The following CHD3 variants were observed in gnomAD, a reference collection of about 807,000 sequenced individuals.
CHD3 encodes chromodomain helicase DNA binding protein 3, also known as ATP-dependent chromatin remodeler CHD3.
In CHD3, 52 loss-of-function variants were observed where a neutral mutation model predicts 248.9. That is an observed-to-expected ratio of 0.21 (90% CI 0.17 to 0.26). The LOEUF (loss-of-function observed/expected upper bound fraction) is 0.26. CHD3 is among the 10% of genes least tolerant of loss of function. The pLI is 1.00. For missense variants in CHD3, 1,482 were observed against 2,605.8 expected (o/e 0.57, Z 9.39); for synonymous variants, 985 against 985.2 (o/e 1.00, Z 0.00).
Position 7,907,160 on chromosome 17 carries a change from A to G in CHD3, c.4701A>G (p.Ile1567Met), listed in dbSNP as rs375896180. The G allele has an allele frequency of 6.2e-7, 1 of 1,614,110 alleles. No individual in the cohort carries two copies. The highest frequency in any genetic ancestry group is 1.3e-5 in the African/African-American group (1 of 74,936). Reference sequence around the variant, plus strand: ...CTCCAAGTGAGAAAGGAGAAGGCATAAGGACACCTCTTGAGAAGGAGGAAG... The same window carrying G: ...CTCCAAGTGAGAAAGGAGAAGGCATGAGGACACCTCTTGAGAAGGAGGAAG... ...TPAPSEKGEGIRTPLEKEEAE... is the reference protein window; with the variant it reads ...TPAPSEKGEGMRTPLEKEEAE... The change falls in exon 31 of 40, where the codon ATA becomes ATG. Residue 1567 changes from isoleucine (I) to methionine (M), a missense_variant. By Grantham distance (10) the Ile-to-Met change is conservative (BLOSUM62 1). This residue lies in a region of CHD3 where 254 missense variants were observed against 266.7 expected (regional missense o/e 0.95). Transcript: ENST00000330494. The surrounding 1 kb of genome is among the most constrained non-coding windows in gnomAD (Gnocchi z 4.3).
rs768779210 is a variant in CHD3 at position 7,910,758 on chromosome 17, T to C, written c.5755-89T>C. On this transcript the variant is annotated intron_variant, in intron 38 of 39. Coordinates refer to ENST00000330494, the MANE Select transcript of CHD3 (RefSeq NM_001005273.3). This position sits in a 1 kb window ranked among gnomAD's most constrained non-coding sequence, Gnocchi z 4.7. ...CTGTGTATCCTACCCTTAGCAGTTG[T>C]GGAGTGTGGCTCATAATGTCTCTCC... 3.9e-5 allele frequency: 60 copies of C among 1,534,092 alleles called. No individual in the cohort carries two copies. The highest frequency in any genetic ancestry group is 5.1e-5 in the Non-Finnish European group (58 of 1,138,502).
chr17:7,884,891 G>A (rs1967500892), upstream of CHD3: 2 of 1,384,260 alleles, frequency 1.4e-6, no homozygotes, highest in Non-Finnish European at 1.9e-6. Flanking sequence ...AGAAGAGGGC[G>A]ACGAGGAGGA....
At position 7,900,198 on chromosome 17, in the gene CHD3, T is replaced by C; in HGVS notation, c.2683-92T>C. 1.3e-6 allele frequency: 2 copies of C among 1,543,394 alleles called. No individual in the cohort carries two copies. Among genetic ancestry groups the C allele is most frequent in the Admixed American group, 1.7e-5 (1 of 57,548 alleles). The stretch of plus-strand genomic sequence containing the variant: ...TTGGGGCCTCTGATCCTGAGTGAAA[T>C]GGGAGCTGGGGCAGGGAAAGGCTGA... On this transcript the variant is annotated intron_variant, in intron 16 of 39. Transcript: ENST00000330494. The surrounding 1 kb of genome is among the most constrained non-coding windows in gnomAD (Gnocchi z 6.5).
chr17:7,910,829 G>C lies in CHD3; in HGVS notation c.5755-18G>C. ...AGACTATGAACTAACTCCAACTTCT[G>C]CTTCCTCTCTGTTCCAGGCCTACCC... is the stretch of plus-strand genomic sequence containing the variant. On this transcript the variant is annotated intron_variant, in intron 38 of 39. Transcript: ENST00000330494. The surrounding 1 kb of genome is among the most constrained non-coding windows in gnomAD (Gnocchi z 4.7). 3 of 1,584,622 alleles carry C rather than the reference G, an allele frequency of 1.9e-6. No homozygotes were observed. Among genetic ancestry groups the C allele is most frequent in the Non-Finnish European group, 2.6e-6 (3 of 1,169,602 alleles).
Position 7,903,801 on chromosome 17 carries a change from C to T in CHD3, c.3728-24C>T, listed in dbSNP as rs973446100. On this transcript the variant is annotated intron_variant, in intron 23 of 39. Transcript: ENST00000330494. The surrounding 1 kb of genome is among the most constrained non-coding windows in gnomAD (Gnocchi z 6.8). ...TTTCTAAACTTTGGAACCCAAAGTT[C>T]CCGTTTGTTTTCCCTCTCACCAGGG... is the stretch of plus-strand genomic sequence containing the variant. The T allele has an allele frequency of 7.5e-6, 12 of 1,610,364 alleles. No individual in the cohort carries two copies. Among genetic ancestry groups the T allele is most frequent in the Non-Finnish European group, 9.3e-6 (11 of 1,177,150 alleles).
rs1486673851 is a variant in CHD3, at chr17:7,902,741, A to G, written c.3370+14A>G. The G allele has an allele frequency of 1.2e-6, 2 of 1,607,916 alleles. No individual in the cohort carries two copies. The highest frequency in any genetic ancestry group is 1.7e-6 in the Non-Finnish European group (2 of 1,174,924). On this transcript the variant is annotated intron_variant, in intron 21 of 39. Transcript: ENST00000330494. ...ATCGGTTTAATGGTGAGGGAGATAC[A>G]CTGGTCCCTGGTGGGTGTGGGAGGC...
Position 7,900,241 on chromosome 17 carries a change from T to G in CHD3, c.2683-49T>G. 6.2e-7 allele frequency: 1 copy of G among 1,611,840 alleles called. No homozygotes were observed. The highest frequency in any genetic ancestry group is 8.5e-7 in the Non-Finnish European group (1 of 1,178,828). ...AAGGCTGATGCTGTGGGTCGGTCAC[T>G]TGTCACTAATAAGCCCATTTTCCTG... On this transcript the variant is annotated intron_variant, in intron 16 of 39. Coordinates refer to ENST00000330494, the MANE Select transcript of CHD3 (RefSeq NM_001005273.3). This position sits in a 1 kb window ranked among gnomAD's most constrained non-coding sequence, Gnocchi z 6.5.
chr17:7,898,369 C>T, intron 12 of CHD3, 127 bp from the exon 13 acceptor site: 1 of 793,716 alleles, frequency 1.3e-6, no homozygotes, highest in Non-Finnish European at 2.0e-6. Flanking sequence ...GGGTAAAGAG[C>T]CTGGGAAAAA....
In CHD3 at chr17:7,895,439, A is replaced by G; in HGVS notation, c.1604A>G (p.Asp535Gly). 6.2e-7 allele frequency: 1 copy of G among 1,614,074 alleles called. No individual in the cohort carries two copies. Among genetic ancestry groups the G allele is most frequent in the Non-Finnish European group, 8.5e-7 (1 of 1,180,006 alleles). Residue 535 changes from aspartate to glycine, a missense_variant, in exon 10 of 40, where the codon GAT becomes GGT. Around this residue, in one of 20 missense-constraint regions of CHD3, gnomAD observed 24 missense variants for 18.3 expected, o/e 1.31. Transcript: ENST00000330494. This position sits in a 1 kb window ranked among gnomAD's most constrained non-coding sequence, Gnocchi z 4.9. Reference sequence around the variant, plus strand: ...CCTCAACAGGCAGATGGAAATCCAGATGTCCCACCCCCCCGTCCTCTTCAA... The same window carrying G: ...CCTCAACAGGCAGATGGAAATCCAGGTGTCCCACCCCCCCGTCCTCTTCAA... ...PAPQQADGNP[D>G]VPPPRPLQGR...
At position 7,907,830 on chromosome 17, in the gene CHD3, G is replaced by A. The variant is rs1434428956; in HGVS notation, c.5027-64G>A. 6.4e-7 allele frequency: 1 copy of A among 1,571,186 alleles called. No homozygotes were observed. Among genetic ancestry groups the A allele is most frequent in the Non-Finnish European group, 8.7e-7 (1 of 1,155,670 alleles). On this transcript the variant is annotated intron_variant, in intron 33 of 39. Transcript: ENST00000330494. This position sits in a 1 kb window ranked among gnomAD's most constrained non-coding sequence, Gnocchi z 4.3. ...AGGCCAGTACAGTACAGTACAGATA[G>A]TAGTCTTGGGACCTGGGAGGAGGGT...
chr17:7,904,129 G>A lies in CHD3; in HGVS notation c.3894+138G>A, dbSNP rs772633618. On this transcript the variant is annotated intron_variant, in intron 24 of 39. Transcript: ENST00000330494. The surrounding 1 kb of genome is among the most constrained non-coding windows in gnomAD (Gnocchi z 4.4). Reference sequence around the variant, plus strand: ...CTCAAACAACTTCTTCGTCTAATAGGTGAGACTGGACTTCAGAGAGAAACG... The same window carrying A: ...CTCAAACAACTTCTTCGTCTAATAGATGAGACTGGACTTCAGAGAGAAACG... 2.3e-6 allele frequency: 2 copies of A among 863,144 alleles called. No individual in the cohort carries two copies. The highest frequency in any genetic ancestry group is 3.4e-5 in the African/African-American group (2 of 58,860). 53.5% of individuals were successfully genotyped at this position (863,144 alleles called of 1,614,324 possible).
In CHD3 at chr17:7,894,536, T is replaced by G. The variant is rs1317684329; in HGVS notation, c.1197T>G (p.Arg399=). 1 of 1,614,124 alleles carries G rather than the reference T, an allele frequency of 6.2e-7. No individual in the cohort carries two copies. Among genetic ancestry groups the G allele is most frequent in the East Asian group, 2.2e-5 (1 of 44,874 alleles). Residue 399 remains arginine (R), a synonymous_variant, in exon 8 of 40, where the codon CGT becomes CGG. Transcript: ENST00000330494. ...GEIILCDTCP[R]AYHLVCLDPE... ...TTATTCTGTGTGACACCTGCCCTCGTGCCTACCACCTCGTCTGCCTTGATC... is the reference window on the plus strand; with the variant it reads ...TTATTCTGTGTGACACCTGCCCTCGGGCCTACCACCTCGTCTGCCTTGATC...
At chr17:7,896,768 C>G (rs560993505) in intron 10 of CHD3, among the ~76,000 whole-genome samples, 3 of 152,272 alleles carry the variant, frequency 2.0e-5, no homozygotes, top group Admixed American at 2.0e-4. Flanking sequence ...AAGCGATTCT[C>G]CTGCCTCAGC....
Position 7,899,952 on chromosome 17 carries a change from T to A in CHD3, c.2601T>A (p.Ile867=), listed in dbSNP as rs1163071198. 1.2e-6 allele frequency: 2 copies of A among 1,614,058 alleles called. No homozygotes were observed. The highest frequency in any genetic ancestry group is 1.7e-6 in the Non-Finnish European group (2 of 1,180,012). Residue 867 remains isoleucine, a synonymous_variant, in exon 16 of 40, where the codon ATT becomes ATA. Transcript: ENST00000330494. This position sits in a 1 kb window ranked among gnomAD's most constrained non-coding sequence, Gnocchi z 6.8. ...VLLTSYELIT[I]DQAALGSIRW... ...TGACATCGTATGAGCTGATCACCAT[T>A]GATCAGGCAGCACTTGGTTCCATCC...
At chr17:7,886,156 C>A (rs1967910962), upstream of CHD3, among the ~76,000 whole-genome samples, 1 of 152,226 alleles carries the variant, frequency 6.6e-6, no homozygotes, top group Admixed American at 6.5e-5. The surrounding 1 kb of genome is among the most constrained non-coding windows in gnomAD (Gnocchi z 4.2). Context: ...GCGTGAACTG[C>A]CCACCCAGCT....
In CHD3 at chr17:7,907,838, G is replaced by T; in HGVS notation, c.5027-56G>T. ...ACAGTACAGTACAGATAGTAGTCTTGGGACCTGGGAGGAGGGTGTCCTGAG... is the reference window on the plus strand; with the variant it reads ...ACAGTACAGTACAGATAGTAGTCTTTGGACCTGGGAGGAGGGTGTCCTGAG... On this transcript the variant is annotated intron_variant, in intron 33 of 39. Transcript: ENST00000330494. This position sits in a 1 kb window ranked among gnomAD's most constrained non-coding sequence, Gnocchi z 4.3. The T allele has an allele frequency of 6.3e-7, 1 of 1,578,352 alleles. No homozygotes were observed. Among genetic ancestry groups the T allele is most frequent in the Non-Finnish European group, 8.6e-7 (1 of 1,158,914 alleles).
Position 7,909,322 on chromosome 17 carries a change from C to T in CHD3, c.5574C>T (p.Asn1858=), listed in dbSNP as rs773318666. The T allele has an allele frequency of 2.0e-5, 31 of 1,557,004 alleles. No individual in the cohort carries two copies. The highest frequency in any genetic ancestry group is 2.2e-4 in the Middle Eastern group (1 of 4,592). The change falls in exon 37 of 40, where the codon AAC becomes AAT. Residue 1858 remains asparagine (N), a synonymous_variant. Coordinates refer to ENST00000330494, the MANE Select transcript of CHD3 (RefSeq NM_001005273.3). The surrounding 1 kb of genome is among the most constrained non-coding windows in gnomAD (Gnocchi z 8.1). ...CGCTGGCGGGGAACAAGCCGGCCAA[C>T]GCCGTCCTGCACAAGGGTAAGGGCC... ...KESLAGNKPA[N]AVLHKVLNQL...
chr17:7,907,714 A>G lies in CHD3; in HGVS notation c.5026+12A>G. 1 of 1,523,848 alleles carries G rather than the reference A, an allele frequency of 6.6e-7. No individual in the cohort carries two copies. The highest frequency in any genetic ancestry group is 8.8e-7 in the Non-Finnish European group (1 of 1,140,310). 94.4% of individuals were successfully genotyped at this position (1,523,848 alleles called of 1,614,324 possible). A position where few individuals can be genotyped will look rare whatever the true frequency, so the allele number is the denominator to read the frequency against. On this transcript the variant is annotated intron_variant, in intron 33 of 39. Coordinates refer to ENST00000330494, the MANE Select transcript of CHD3 (RefSeq NM_001005273.3). The surrounding 1 kb of genome is among the most constrained non-coding windows in gnomAD (Gnocchi z 4.3). ...TTTGGGCAAGAGAGGTAATGGGTGG[A>G]AGGGACCGGACACCTGGGTCCCAGA... is the stretch of plus-strand genomic sequence containing the variant.
chr17:7,910,109 C>T lies in CHD3; in HGVS notation c.5591-319C>T, dbSNP rs780847391. On this transcript the variant is annotated intron_variant, in intron 37 of 39. Coordinates refer to ENST00000330494, the MANE Select transcript of CHD3 (RefSeq NM_001005273.3). The surrounding 1 kb of genome is among the most constrained non-coding windows in gnomAD (Gnocchi z 4.7). ...AGTATGAGATGTTCTGACAACTCCC[C>T]GCCCCCATGTCTTCCAATGTCCCCC... The T allele has an allele frequency of 1.5e-5, 6 of 410,874 alleles. No homozygotes were observed. The highest frequency in any genetic ancestry group is 5.3e-5 in the East Asian group (1 of 18,710). 25.5% of individuals were successfully genotyped at this position (410,874 alleles called of 1,614,324 possible). A position where few individuals can be genotyped will look rare whatever the true frequency, so the allele number is the denominator to read the frequency against.
Sources: allele counts gnomAD v4.1 joint callset (sites outside exome capture counted in the v4.1 genomes callset), GRCh38; gene constraint gnomAD v4.1.1; regional missense constraint gnomAD v4.1.1; non-coding constraint Gnocchi (gnomAD v3.1); transcripts MANE v1.5; gene names NCBI Gene and HGNC (gene_info 2026-07-23, HGNC 2026-07-21).